The following JMJD1C variants were observed in gnomAD, a reference collection of about 807,000 sequenced individuals.
JMJD1C encodes jumonji domain-containing protein 1C.
Under a neutral mutation model 245.3 loss-of-function variants are expected in JMJD1C, and 31 were observed. The ratio of observed to expected loss-of-function variants is 0.13; its 90% CI spans 0.09 to 0.17. The LOEUF is 0.17. Among genes scored for constraint, JMJD1C ranks in the 10% least tolerant of loss-of-function variants. The pLI, the probability that JMJD1C is intolerant of heterozygous loss-of-function variation, is 1.00. For missense variants in JMJD1C, 2,691 were observed against 3,000.2 expected (o/e 0.90, Z 2.41); for synonymous variants, 1,057 against 1,017.4 (o/e 1.04, Z -0.74).
chr10:63,380,129 A>T, intron 2 of JMJD1C, 189 bp downstream of exon 2: 12 of 444,694 alleles, frequency 2.7e-5, no homozygotes, highest in East Asian at 8.4e-5. Context: ...TTTTTGGTAG[A>T]GATGGGGTCT....
At chr10:63,314,468 G>A (rs1192121229) in intron 2 of JMJD1C, among the ~76,000 whole-genome samples, 2 of 152,206 alleles carry the variant, frequency 1.3e-5, no homozygotes, top group East Asian at 1.9e-4. Context: ...ACTGAGGTGG[G>A]AGAATCACCT....
intron 1 of JMJD1C, among the ~76,000 whole-genome samples, chr10:63,421,344 ATG>A (rs1190702766): frequency 1.3e-5 from 2 of 152,202 alleles, no homozygotes; most frequent in African/African-American, 4.8e-5. Flanking sequence ...CAAAAAAAAG[ATG>A]TAAACTTAAG....
chr10:63,301,022 G>A (rs970357118), intron 2 of JMJD1C, among the ~76,000 whole-genome samples: 2 of 152,204 alleles, frequency 1.3e-5, no homozygotes, highest in Non-Finnish European at 2.9e-5. Context: ...GAAAATGCAT[G>A]AGAACCTTTT....
rs1241979173 is a variant in JMJD1C at position 63,465,806 on chromosome 10, C to T, written c.-144G>A. 9.5e-6 allele frequency: 9 copies of T among 947,668 alleles called. No individual in the cohort carries two copies. The African/African-American group carries it at 1.3e-4, about 14-fold the overall frequency. 58.7% of individuals were successfully genotyped at this position (947,668 alleles called of 1,614,324 possible). On this transcript the variant is annotated 5_prime_UTR_variant, in exon 1 of 26. Transcript: ENST00000399262. Reference sequence around the variant, plus strand: ...GAGCGCAGACTCGGGACGAACCGGCCGCTCTGCCCCGGACACAGCGACCTC... The same window carrying T: ...GAGCGCAGACTCGGGACGAACCGGCTGCTCTGCCCCGGACACAGCGACCTC...
chr10:63,437,772 C>T (rs1340568507), intron 1 of JMJD1C, among the ~76,000 whole-genome samples: 2 of 152,192 alleles, frequency 1.3e-5, no homozygotes, highest in African/African-American at 2.4e-5. Context: ...ACCAATGACT[C>T]ATTAGCTAAA....
intron 1 of JMJD1C, among the ~76,000 whole-genome samples, chr10:63,488,535 G>A (rs1331677665): frequency 1.8e-5 from 1 of 56,898 alleles, no homozygotes. Flanking sequence ...AGTTGAAAAT[G>A]AATGTTAAAA....
At chr10:63,301,941 T>C (rs1860142172) in intron 2 of JMJD1C, 1 of 285,714 alleles carries the variant, frequency 3.5e-6, no homozygotes, top group Non-Finnish European at 7.0e-6. Flanking sequence ...TTCCTATGAG[T>C]ACATACAGAA....
chr10:63,284,939 C>T (rs963511166), intron 2 of JMJD1C, among the ~76,000 whole-genome samples: 5 of 151,468 alleles, frequency 3.3e-5, no homozygotes, highest in East Asian at 1.9e-4. Context: ...CACACATACA[C>T]GCCACACATA....
intron 1 of JMJD1C, among the ~76,000 whole-genome samples, chr10:63,475,520 A>G (rs1441722729): frequency 6.6e-6 from 1 of 152,210 alleles, no homozygotes; most frequent in African/African-American, 2.4e-5. Context: ...ATGATACTGT[A>G]TGTACTTCTG....
intron 1 of JMJD1C, among the ~76,000 whole-genome samples, chr10:63,404,194 C>T (rs1023759216): frequency 1.3e-5 from 2 of 151,994 alleles, no homozygotes; most frequent in African/African-American, 4.8e-5. Flanking sequence ...ATGATCAAGA[C>T]TGCACTGTAA....
chr10:63,309,096 A>G (rs1011446073), intron 2 of JMJD1C, among the ~76,000 whole-genome samples: 1 of 152,176 alleles, frequency 6.6e-6, no homozygotes, highest in African/African-American at 2.4e-5. Context: ...CCAAACAACA[A>G]CAACAAAAAA....
intron 1 of JMJD1C, among the ~76,000 whole-genome samples, chr10:63,419,834 T>TAAAAAAAAA (rs34006135): frequency 8.7e-6 from 1 of 114,524 alleles, no homozygotes; most frequent in Non-Finnish European, 1.8e-5. Flanking sequence ...CTCCATGAAA[T>TAAAAAAAAA]AAAAAAAAAA....
intron 2 of JMJD1C, among the ~76,000 whole-genome samples, chr10:63,271,477 T>C (rs1564716129): frequency 6.6e-6 from 1 of 152,104 alleles, no homozygotes; most frequent in African/African-American, 2.4e-5. Context: ...CATGCCCGGA[T>C]GTAAATAGTC....
rs2133156515 is a variant in JMJD1C at position 63,208,004 on chromosome 10, C to T, written c.3665G>A (p.Gly1222Asp). 1.5e-5 allele frequency: 25 copies of T among 1,614,118 alleles called. No homozygotes were observed. The highest frequency in any genetic ancestry group is 2.1e-5 in the Non-Finnish European group (25 of 1,180,008). Reference protein sequence around the residue: ...PIHHSLERKEGSYSSLSPPTL... With the variant: ...PIHHSLERKEDSYSSLSPPTL... ...TGGAGGGGAAAGACTACTATAGCTG[C>T]CTTCCTTTCTTTCCAGGCTGTGATG... Residue 1222 changes from glycine (G) to aspartate (D), a missense_variant, in exon 10 of 26, where the codon GGC becomes GAC. This residue lies in a region of JMJD1C where 1,562 missense variants were observed against 1,490.7 expected (regional missense o/e 1.05). Coordinates refer to ENST00000399262, the MANE Select transcript of JMJD1C (RefSeq NM_032776.3).
At chr10:63,280,934 G>A (rs2133884206) in intron 2 of JMJD1C, among the ~76,000 whole-genome samples, 1 of 151,956 alleles carries the variant, frequency 6.6e-6, no homozygotes, top group Middle Eastern at 3.4e-3. Flanking sequence ...GTGTGGCATG[G>A]GATCCATGGG....
intron 1 of JMJD1C, among the ~76,000 whole-genome samples, chr10:63,384,573 A>C (rs1412466626): frequency 6.6e-6 from 1 of 152,206 alleles, no homozygotes; most frequent in African/African-American, 2.4e-5. Context: ...TGAGTAGTAC[A>C]TCTCAACAGT....
intron 17 of JMJD1C, among the ~76,000 whole-genome samples, chr10:63,189,803 T>C (rs1427960944): frequency 6.6e-6 from 1 of 152,038 alleles, no homozygotes; most frequent in Non-Finnish European, 1.5e-5. Flanking sequence ...TTCAAACTCC[T>C]GGGCTCAAGC....
chr10:63,476,731 AAAT>A (rs1953673032), intron 1 of JMJD1C, among the ~76,000 whole-genome samples: 1 of 152,136 alleles, frequency 6.6e-6, no homozygotes, highest in African/African-American at 2.4e-5. Context: ...CTTGTTTCTA[AAAT>A]AAGTAGACAA....
At chr10:63,268,117 T>A (rs1276895334) in intron 2 of JMJD1C, among the ~76,000 whole-genome samples, 3 of 147,362 alleles carry the variant, frequency 2.0e-5, no homozygotes, top group African/African-American at 5.0e-5. Context: ...AATTCCAAGT[T>A]AAAAAAAAAA....
Sources: gnomAD v4.1 joint callset for allele counts (sites outside exome capture counted in the v4.1 genomes callset) on GRCh38, gnomAD v4.1.1 for gene constraint, gnomAD v4.1.1 regional missense constraint, MANE v1.5 for transcripts, NCBI Gene and HGNC (gene_info 2026-07-23, HGNC 2026-07-21) for gene names.